The following TANGO6 variants were observed in gnomAD, a reference collection of about 807,000 sequenced individuals.
TANGO6 encodes the protein transport and Golgi organization protein 6 homolog.
TANGO6 carries 90 observed loss-of-function variants against 114.2 expected under a neutral mutation model. The observed-to-expected ratio is 0.79, with a 90% CI of 0.66 to 0.94. The LOEUF (loss-of-function observed/expected upper bound fraction) is 0.94. Among genes scored for constraint, TANGO6 ranks in the 40% least tolerant of loss-of-function variants. The pLI, the probability that TANGO6 is intolerant of heterozygous loss-of-function variation, is 0.00. For synonymous variants in TANGO6, 477 were observed against 509.8 expected, an observed-to-expected ratio of 0.94 and a Z score of 0.87; for missense variants, 1,274 against 1,315.3, an observed-to-expected ratio of 0.97 and a Z score of 0.49.
At chr16:68,855,668 TGG>T (rs1961977448) in intron 1 of TANGO6, among the ~76,000 whole-genome samples, 3 of 151,550 alleles carry the variant, frequency 2.0e-5, no homozygotes, top group African/African-American at 4.8e-5. Context: ...GTGGATCACC[TGG>T]TCAGGAGTTT....
Position 68,966,470 on chromosome 16 carries a change from C to A in TANGO6, c.2702-7558C>A, listed in dbSNP as rs1024500790. On this transcript the variant is annotated intron_variant, in intron 14 of 17. Coordinates refer to ENST00000261778, the MANE Select transcript of TANGO6 (RefSeq NM_024562.2). ...AGTGAGCTGAGATTACACCACTGCA[C>A]GCCAGCCTGGGCAACAATGTGAGAC... Among the ~76,000 whole-genome samples the A allele has an allele frequency of 3.3e-5, 5 of 151,328 alleles. No homozygotes were observed. In the South Asian group the frequency reaches 8.3e-4, roughly 25 times the overall value.
chr16:68,914,328 A>G (rs980323205), intron 11 of TANGO6, among the ~76,000 whole-genome samples: 7 of 151,958 alleles, frequency 4.6e-5, no homozygotes, highest in African/African-American at 1.2e-4. Context: ...TGCCCGGCTA[A>G]TTTTTGTATT....
At chr16:69,063,167 G>A (rs893711306) in intron 17 of TANGO6, among the ~76,000 whole-genome samples, 17 of 150,266 alleles carry the variant, frequency 1.1e-4, no homozygotes, top group African/African-American at 4.2e-4. Context: ...GGCGGAGGTT[G>A]AGCCAAGATC....
At chr16:69,076,928 C>T (rs577756756) in intron 17 of TANGO6, among the ~76,000 whole-genome samples, 1 of 152,170 alleles carries the variant, frequency 6.6e-6, no homozygotes, top group African/African-American at 2.4e-5. Flanking sequence ...ACACAGGAGG[C>T]GGAGGTTGTA....
intron 15 of TANGO6, among the ~76,000 whole-genome samples, chr16:69,019,580 A>G (rs571887440): frequency 1.3e-5 from 2 of 152,392 alleles, no homozygotes; most frequent in South Asian, 4.1e-4. Flanking sequence ...TAGCAAAGTC[A>G]TGCTTTCGAG....
intron 15 of TANGO6, among the ~76,000 whole-genome samples, chr16:68,975,821 T>C (rs12019042): frequency 0.021 from 3,178 of 152,190 alleles, 117 homozygotes; most frequent in African/African-American, 0.073. Flanking sequence ...CCTCCCAAAG[T>C]GCTGGGATTA....
At chr16:68,980,159 T>A (rs955637123) in intron 15 of TANGO6, among the ~76,000 whole-genome samples, 1 of 152,032 alleles carries the variant, frequency 6.6e-6, no homozygotes, top group African/African-American at 2.4e-5. Flanking sequence ...GTTTTTTGAT[T>A]TTTAAAAGTT....
At chr16:68,988,717 ACAGGGT>A (rs1272386163) in intron 15 of TANGO6, among the ~76,000 whole-genome samples, 2 of 106,092 alleles carry the variant, frequency 1.9e-5, no homozygotes, top group Admixed American at 2.1e-4. Flanking sequence ...TTTTTTTGAG[ACAGGGT>A]CTCATTTGCT....
chr16:69,080,743 A>G (rs1475991926), intron 17 of TANGO6, among the ~76,000 whole-genome samples: 1 of 152,170 alleles, frequency 6.6e-6, no homozygotes, highest in African/African-American at 2.4e-5. Context: ...AAAAAATAAG[A>G]ACACAGGCTC....
intron 15 of TANGO6, among the ~76,000 whole-genome samples, chr16:68,978,956 G>A (rs543481310): frequency 9.9e-4 from 138 of 140,086 alleles, no homozygotes; most frequent in South Asian, 2.7e-3. Context: ...ACAGGGTCTC[G>A]TTCTGTTGCC....
chr16:69,070,741 A>C (rs1190012619), intron 17 of TANGO6, among the ~76,000 whole-genome samples: 1 of 132,602 alleles, frequency 7.5e-6, no homozygotes, highest in Non-Finnish European at 1.6e-5. Flanking sequence ...AGTTTGCAAG[A>C]ATCAATATTA....
chr16:69,070,237 G>C (rs946263917), intron 17 of TANGO6, among the ~76,000 whole-genome samples: 5 of 151,834 alleles, frequency 3.3e-5, no homozygotes, highest in Admixed American at 6.6e-5. Flanking sequence ...AGAAAAGAAA[G>C]TAGTGAAAGA....
At position 69,083,803 on chromosome 16, in the gene TANGO6, T is replaced by G; in HGVS notation, c.*142T>G. The G allele has an allele frequency of 1.1e-6, 1 of 894,942 alleles. No homozygotes were observed. The highest frequency in any genetic ancestry group is 2.7e-5 in the East Asian group (1 of 37,654). The allele number at this position is 894,942 out of a possible 1,614,324, so 55.4% of individuals were successfully genotyped here. A position where few individuals can be genotyped will look rare whatever the true frequency, so the allele number is the denominator to read the frequency against. ...GGGTGGTTTTATGGTGCAGGTCACT[T>G]GGGTCTTCAGGGTCCCTTCCGAGGG... On this transcript the variant is annotated 3_prime_UTR_variant, in exon 18 of 18. Transcript: ENST00000261778.
intron 15 of TANGO6, among the ~76,000 whole-genome samples, chr16:68,980,193 C>A (rs1053527430): frequency 2.6e-5 from 4 of 151,516 alleles, no homozygotes; most frequent in Non-Finnish European, 5.9e-5. Context: ...GATCTTGAAC[C>A]ATTGACATTT....
At chr16:68,864,387 A>C (rs1962145859) in intron 3 of TANGO6, among the ~76,000 whole-genome samples, 2 of 152,056 alleles carry the variant, frequency 1.3e-5, no homozygotes, top group Admixed American at 6.6e-5. Context: ...CAACGTGGGC[A>C]ACATAGCAAG....
At chr16:68,873,123 C>A (rs1225050172) in intron 4 of TANGO6, among the ~76,000 whole-genome samples, 1 of 151,814 alleles carries the variant, frequency 6.6e-6, no homozygotes, top group Non-Finnish European at 1.5e-5. Context: ...CCCATGTCCC[C>A]CCAAAGAAGC....
At chr16:68,998,514 A>C (rs141628786) in intron 15 of TANGO6, among the ~76,000 whole-genome samples, 2,820 of 152,034 alleles carry the variant, frequency 0.019, 29 homozygotes, top group Non-Finnish European at 0.027. Flanking sequence ...GGCAGATCAC[A>C]AGGTGAGGAG....
intron 14 of TANGO6, among the ~76,000 whole-genome samples, chr16:68,936,105 G>C (rs568427491): frequency 1.2e-4 from 19 of 152,224 alleles, no homozygotes; most frequent in African/African-American, 4.6e-4. Flanking sequence ...GATCACTTGA[G>C]CCCAGGAGGT....
intron 15 of TANGO6, among the ~76,000 whole-genome samples, chr16:68,986,827 C>T (rs1467447740): frequency 6.6e-6 from 1 of 152,052 alleles, no homozygotes; most frequent in Non-Finnish European, 1.5e-5. Context: ...ATTGCTTGAA[C>T]CTGGGAGGCA....
Sources: gnomAD v4.1 joint callset for allele counts (sites outside exome capture counted in the v4.1 genomes callset) on GRCh38, gnomAD v4.1.1 for gene constraint, MANE v1.5 for transcripts, NCBI Gene and HGNC (gene_info 2026-07-23, HGNC 2026-07-21) for gene names.